Variants in CORO7 observed in about 807,000 individuals in gnomAD.
CORO7 encodes coronin-7.
Under a neutral mutation model 126.6 loss-of-function variants are expected in CORO7, and 107 were observed. That is an observed-to-expected ratio of 0.85 (90% CI 0.72 to 0.99). The LOEUF is 0.99. Among genes scored for constraint, CORO7 ranks in the 50% least tolerant of loss-of-function variants. CORO7 has a pLI of 0.00. For missense variants in CORO7, 1,314 were observed against 1,255.8 expected (o/e 1.05, Z -0.70); for synonymous variants, 603 against 536.8 (o/e 1.12, Z -1.70).
intron 7 of CORO7, 123 bp downstream of exon 7, chr16:4,395,166 C>T: frequency 7.1e-7 from 1 of 1,408,588 alleles, no homozygotes; most frequent in Admixed American, 2.1e-5. Context: ...CCTGGGGACC[C>T]CTGGTGCTGC....
At chr16:4,408,308 A>C in intron 3 of CORO7, 57 bp from the exon 4 acceptor site, 1 of 1,612,562 alleles carries the variant, frequency 6.2e-7, no homozygotes, top group South Asian at 1.1e-5. Context: ...CCCAGTATGA[A>C]GCAAAGCCCA....
At chr16:4,357,495 G>T in intron 25 of CORO7, 1 of 462,156 alleles carries the variant, frequency 2.2e-6, no homozygotes, top group Admixed American at 4.0e-5. Context: ...GAGTAGTTGG[G>T]ATTGCAGGCG....
intron 6 of CORO7, among the ~76,000 whole-genome samples, chr16:4,403,352 A>T (rs1289980458): frequency 6.6e-6 from 1 of 152,084 alleles, no homozygotes. Flanking sequence ...ACAGCAAAAG[A>T]AGGTGGCAGC....
intron 14 of CORO7, 91 bp downstream of exon 14, chr16:4,364,185 C>CA (rs878921261): frequency 0.084 from 83,752 of 993,062 alleles, 2 homozygotes; most frequent in Non-Finnish European, 0.09. Flanking sequence ...GACACTGTCT[C>CA]AAAAAAAAAA....
chr16:4,386,350 G>A (rs778968954), intron 9 of CORO7, among the ~76,000 whole-genome samples: 4 of 152,238 alleles, frequency 2.6e-5, no homozygotes, highest in Non-Finnish European at 4.4e-5. Context: ...ACGCTTTCAG[G>A]GGATGGGGAC....
At chr16:4,370,184 G>C (rs1362997081) in intron 9 of CORO7, among the ~76,000 whole-genome samples, 3 of 152,236 alleles carry the variant, frequency 2.0e-5, no homozygotes, top group Non-Finnish European at 4.4e-5. Context: ...GGCATCTGTG[G>C]ATGCTTCTGA....
intron 3 of CORO7, among the ~76,000 whole-genome samples, chr16:4,411,800 C>T (rs1018731858): frequency 5.9e-5 from 9 of 152,128 alleles, no homozygotes; most frequent in African/African-American, 1.9e-4. Flanking sequence ...CAGTGAGAGG[C>T]GAGGCCAGCT....
intron 7 of CORO7, among the ~76,000 whole-genome samples, chr16:4,392,983 G>C (rs2055449588): frequency 6.6e-6 from 1 of 152,228 alleles, no homozygotes; most frequent in Admixed American, 6.5e-5. Context: ...TCGAGGAGCT[G>C]GGAGCCCCTT....
chr16:4,359,834 C>G (rs1230832826), intron 21 of CORO7, among the ~76,000 whole-genome samples: 2 of 151,736 alleles, frequency 1.3e-5, no homozygotes, highest in African/African-American at 4.9e-5. Context: ...CCATCTACCC[C>G]TGACTGCCTC....
intron 9 of CORO7, chr16:4,383,138 C>T (rs183726419): frequency 9.5e-5 from 48 of 502,634 alleles, no homozygotes; most frequent in Middle Eastern, 1.1e-3. Flanking sequence ...GGACAGTGTC[C>T]GCCCTGCCCT....
At chr16:4,377,040 C>A (rs1021745805) in intron 9 of CORO7, among the ~76,000 whole-genome samples, 5 of 152,190 alleles carry the variant, frequency 3.3e-5, no homozygotes, top group African/African-American at 9.7e-5. Context: ...ACGAGCACCA[C>A]GAGCAGCGCC....
chr16:4,414,139 C>T (rs1033200108), intron 1 of CORO7, among the ~76,000 whole-genome samples: 2 of 150,402 alleles, frequency 1.3e-5, no homozygotes, highest in Non-Finnish European at 3.0e-5. Context: ...TGCAGTGAGC[C>T]GAGATCATGC....
intron 9 of CORO7, chr16:4,382,590 G>A (rs954306068): frequency 1.8e-5 from 28 of 1,586,102 alleles, no homozygotes; most frequent in Non-Finnish European, 2.3e-5. Flanking sequence ...AGGCCCGCGA[G>A]GGCAACCTGC....
intron 26 of CORO7, chr16:4,356,619 G>C (rs2053984190): frequency 6.4e-6 from 1 of 157,136 alleles, no homozygotes; most frequent in Admixed American, 6.0e-5. Flanking sequence ...TTTTAGTACA[G>C]ACGGGGTTTC....
chr16:4,403,990 G>A (rs532459757), intron 6 of CORO7, among the ~76,000 whole-genome samples: 2 of 152,290 alleles, frequency 1.3e-5, no homozygotes, highest in South Asian at 4.1e-4. Flanking sequence ...TCCCCAGAAG[G>A]GGCTCCCTGG....
At chr16:4,402,709 C>T (rs2055855991) in intron 6 of CORO7, among the ~76,000 whole-genome samples, 1 of 152,186 alleles carries the variant, frequency 6.6e-6, no homozygotes, top group South Asian at 2.1e-4. Flanking sequence ...TCAGAGTGGG[C>T]ACTGAGGCTG....
intron 21 of CORO7, among the ~76,000 whole-genome samples, chr16:4,359,925 A>G (rs2054106761): frequency 1.7e-5 from 1 of 58,038 alleles, no homozygotes; most frequent in African/African-American, 7.3e-5. Context: ...CCACCCCTCT[A>G]TCCATCTCCC....
intron 8 of CORO7, 99 bp downstream of exon 8, chr16:4,388,446 G>A: frequency 7.5e-7 from 1 of 1,329,866 alleles, no homozygotes; most frequent in South Asian, 1.3e-5. Context: ...CCTGGAACTG[G>A]CCCTCAGTCC....
intron 10 of CORO7, among the ~76,000 whole-genome samples, 154 bp from the exon 11 acceptor site, chr16:4,365,214 A>G (rs2054310569): frequency 6.6e-6 from 1 of 152,174 alleles, no homozygotes; most frequent in Non-Finnish European, 1.5e-5. Flanking sequence ...CGCTGAGCTG[A>G]GCCCTAGGCT....
Sources: allele counts gnomAD v4.1 joint callset (sites outside exome capture counted in the v4.1 genomes callset), GRCh38; gene constraint gnomAD v4.1.1; transcripts MANE v1.5; gene names NCBI Gene and HGNC (gene_info 2026-07-23, HGNC 2026-07-21).